NOMO3: variants seen among roughly 807,000 people sequenced by gnomAD.
NOMO3 encodes the protein NODAL modulator 3.
In NOMO3, 15 loss-of-function variants were observed where a neutral mutation model predicts 69.9. That is an observed-to-expected ratio of 0.21 (90% CI 0.14 to 0.33). NOMO3 has a LOEUF of 0.33. Ranked by LOEUF, NOMO3 falls within the 10% of genes least tolerant of loss-of-function variation. The pLI is 1.00. For missense variants in NOMO3, 218 were observed against 761.0 expected, an observed-to-expected ratio of 0.29 and a Z score of 8.39; for synonymous variants, 89 against 301.9, an observed-to-expected ratio of 0.29 and a Z score of 7.31.
At chr16:16,258,386 T>A (rs2049534159) in intron 11 of NOMO3, among the ~76,000 whole-genome samples, 1 of 132,638 alleles carries the variant, frequency 7.5e-6, no homozygotes, top group South Asian at 2.5e-4. Context: ...AGACTAAAAG[T>A]TAGCTAAAGA....
chr16:16,256,172 G>A lies in NOMO3; in HGVS notation c.1220+14G>A. 1.9e-6 allele frequency: 3 copies of A among 1,587,772 alleles called. No homozygotes were observed. The highest frequency in any genetic ancestry group is 2.6e-6 in the Non-Finnish European group (3 of 1,175,038). Reference sequence around the variant, plus strand: ...TGTTGCAACAGGGTAAGCTTATCGTGTGGATTTGGAAGCACCAGTAAATAT... The same window carrying A: ...TGTTGCAACAGGGTAAGCTTATCGTATGGATTTGGAAGCACCAGTAAATAT... On this transcript the variant is annotated intron_variant, in intron 11 of 30. Transcript: ENST00000399336.
At chr16:16,237,099 A>G in intron 2 of NOMO3, 109 bp downstream of exon 2, 1 of 1,483,402 alleles carries the variant, frequency 6.7e-7, no homozygotes, top group Non-Finnish European at 9.2e-7. Context: ...TGTTTTGTAA[A>G]TTATTAGTGG....
chr16:16,259,214 C>T (rs185087565), intron 11 of NOMO3, among the ~76,000 whole-genome samples: 3,259 of 144,272 alleles, frequency 0.023, 191 homozygotes, highest in Non-Finnish European at 0.032. Context: ...TTATTTTCTC[C>T]TTTAAAGTAG....
chr16:16,256,217 C>G lies in NOMO3; in HGVS notation c.1220+59C>G. The G allele has an allele frequency of 3.2e-6, 5 of 1,556,152 alleles. No homozygotes were observed. In the Admixed American group the frequency reaches 7.1e-5, roughly 22 times the overall value. On this transcript the variant is annotated intron_variant, in intron 11 of 30. Coordinates refer to ENST00000399336, the MANE Select transcript of NOMO3 (RefSeq NM_001004067.4). Reference sequence around the variant, plus strand: ...AAATATGCTGGCAGCCAGTGTAGAACCAAATGACCTGTGATCTGTGTGTCT... The same window carrying G: ...AAATATGCTGGCAGCCAGTGTAGAAGCAAATGACCTGTGATCTGTGTGTCT...
Position 16,263,080 on chromosome 16 carries a change from G to T in NOMO3, c.1402G>T (p.Val468Phe). Reference sequence around the variant, plus strand: ...TCCATCCACGTTTCCGCAGGTGATGGTTCCTGAGGCAGAAACCAGAGCAGG... The same window carrying T: ...TCCATCCACGTTTCCGCAGGTGATGTTTCCTGAGGCAGAAACCAGAGCAGG... ...NPGTYKVQVM[V>F]PEAETRAGLT... Residue 468 changes from valine (V) to phenylalanine (F), a missense_variant, in exon 13 of 31, where the codon GTT becomes TTT. Val to Phe is a conservative substitution (Grantham distance 50). Transcript: ENST00000399336. 6.3e-7 allele frequency: 1 copy of T among 1,595,764 alleles called. No individual in the cohort carries two copies. Among genetic ancestry groups the T allele is most frequent in the Middle Eastern group, 1.7e-4 (1 of 6,004 alleles).
intron 1 of NOMO3, among the ~76,000 whole-genome samples, chr16:16,235,471 A>G (rs1279510030): frequency 1.3e-5 from 2 of 148,906 alleles, no homozygotes; most frequent in African/African-American, 2.6e-5. Context: ...TTCTTCAGAG[A>G]GAGATATTAA....
chr16:16,272,571 CCTT>C (rs1294926931), intron 18 of NOMO3, among the ~76,000 whole-genome samples: 1 of 114,036 alleles, frequency 8.8e-6, no homozygotes, highest in Non-Finnish European at 1.8e-5. Context: ...GCTGGCCTTC[CCTT>C]CTTACCACGT....
At chr16:16,268,954 A>G (rs1188717609) in intron 16 of NOMO3, among the ~76,000 whole-genome samples, 3 of 139,928 alleles carry the variant, frequency 2.1e-5, no homozygotes, top group Admixed American at 2.1e-4. Context: ...GCTGCAAGGG[A>G]GGCTGGGACA....
At chr16:16,267,348 C>T in intron 16 of NOMO3, 1 of 548,096 alleles carries the variant, frequency 1.8e-6, no homozygotes, top group Non-Finnish European at 3.2e-6. Flanking sequence ...GGCCAATGGC[C>T]TCTCTTTATA....
chr16:16,239,273 C>A (rs1327579209), intron 2 of NOMO3, among the ~76,000 whole-genome samples: 1 of 143,726 alleles, frequency 7.0e-6, no homozygotes, highest in African/African-American at 2.8e-5. Context: ...GCCTCTTCCT[C>A]CTAAGTAGCT....
rs57128685 is a variant in NOMO3, at chr16:16,265,220, T to C, written c.1806+41T>C. 2.2e-3 allele frequency: 3,462 copies of C among 1,584,272 alleles called. 346 individuals are homozygous for C. In the African/African-American group the frequency reaches 0.027, roughly 12 times the overall value. On this transcript the variant is annotated intron_variant, in intron 15 of 30. Transcript: ENST00000399336. ...GGAGTCTCTTATTTGGAAAAGCGCTTGCCTTGTGGATGTCAAGAAAGACTA... is the reference window on the plus strand; with the variant it reads ...GGAGTCTCTTATTTGGAAAAGCGCTCGCCTTGTGGATGTCAAGAAAGACTA...
chr16:16,267,418 G>C (rs406751), intron 16 of NOMO3: 2 of 439,312 alleles, frequency 4.6e-6, no homozygotes, highest in Non-Finnish European at 7.8e-6. Context: ...GTGGCTTCTC[G>C]CTCTTTCTCA....
chr16:16,250,302 A>G (rs1019562817), intron 6 of NOMO3, among the ~76,000 whole-genome samples: 2 of 139,146 alleles, frequency 1.4e-5, no homozygotes, highest in South Asian at 2.4e-4. Flanking sequence ...AGTTAACACT[A>G]TATATCATTA....
intron 2 of NOMO3, among the ~76,000 whole-genome samples, chr16:16,237,570 T>A (rs1410073137): frequency 4.1e-4 from 58 of 141,236 alleles, no homozygotes; most frequent in Non-Finnish European, 2.2e-4. Flanking sequence ...TTCTTTTGAG[T>A]TGGAGTCTCG....
intron 2 of NOMO3, among the ~76,000 whole-genome samples, chr16:16,238,844 G>T (rs2049351631): frequency 7.8e-6 from 1 of 129,020 alleles, no homozygotes; most frequent in Non-Finnish European, 1.6e-5. Flanking sequence ...TTGGGAGGTT[G>T]AGGTAGGTGG....
intron 6 of NOMO3, among the ~76,000 whole-genome samples, chr16:16,249,660 T>C (rs1034531734): frequency 1.4e-5 from 2 of 143,730 alleles, no homozygotes; most frequent in African/African-American, 5.7e-5. Context: ...AGGTTTACAT[T>C]GTATGTTAAT....
At chr16:16,244,273 A>G (rs1174653121) in intron 4 of NOMO3, among the ~76,000 whole-genome samples, 3 of 140,682 alleles carry the variant, frequency 2.1e-5, no homozygotes, top group African/African-American at 8.8e-5. Context: ...TTCTTTATCG[A>G]TGGTTTGCAA....
rs556382021 is a variant in NOMO3 at position 16,255,267 on chromosome 16, A to G, written c.964-453A>G. 1.4e-4 allele frequency among the ~76,000 whole-genome samples: 19 copies of G among 140,162 alleles called. 2 individuals are homozygous for G. The highest frequency in any genetic ancestry group is 7.1e-4 in the East Asian group (3 of 4,236). The allele number at this position is 140,162 out of a possible 152,430, so 92.0% of individuals were successfully genotyped here. A position where few individuals can be genotyped will look rare whatever the true frequency, so the allele number is the denominator to read the frequency against. On this transcript the variant is annotated intron_variant, in intron 9 of 30. Coordinates refer to ENST00000399336, the MANE Select transcript of NOMO3 (RefSeq NM_001004067.4). ...GGTCGTGGTGGAAAGACAGGAGGGG[A>G]CACGTGAGACCTTGCAGAGGTGGAA...
intron 1 of NOMO3, among the ~76,000 whole-genome samples, chr16:16,235,577 C>T (rs2049319680): frequency 6.9e-6 from 1 of 145,848 alleles, no homozygotes; most frequent in Admixed American, 6.7e-5. Context: ...AGTATAGTGG[C>T]ACCATCATAG....
Sources: gnomAD v4.1 joint callset for allele counts (sites outside exome capture counted in the v4.1 genomes callset) on GRCh38, gnomAD v4.1.1 for gene constraint, MANE v1.5 for transcripts, NCBI Gene and HGNC (gene_info 2026-07-23, HGNC 2026-07-21) for gene names.